INTS2: variants seen among roughly 807,000 people sequenced by gnomAD.
INTS2 encodes KIAA1287.
INTS2 carries 57 observed loss-of-function variants against 139.6 expected under a neutral mutation model. The observed-to-expected ratio is 0.41, with a 90% CI of 0.33 to 0.51. INTS2 has a LOEUF of 0.51. INTS2 is among the 20% of genes least tolerant of loss of function. The pLI, the probability that INTS2 is intolerant of heterozygous loss-of-function variation, is 0.28. For missense variants in INTS2, 1,196 were observed against 1,436.7 expected, an observed-to-expected ratio of 0.83 and a Z score of 2.71; for synonymous variants, 473 against 493.4, an observed-to-expected ratio of 0.96 and a Z score of 0.55.
At chr17:61,879,773 T>C (rs1265496118) in intron 17 of INTS2, among the ~76,000 whole-genome samples, 1 of 151,942 alleles carries the variant, frequency 6.6e-6, no homozygotes, top group Non-Finnish European at 1.5e-5. Context: ...TGCTAGAGCA[T>C]GAGAGGCAAT....
rs199999039 is a variant in INTS2 at position 61,927,952 on chromosome 17, G to C, written c.-317C>G. 2.1e-4 allele frequency: 335 copies of C among 1,613,920 alleles called. No homozygotes were observed. The highest frequency in any genetic ancestry group is 2.0e-4 in the Non-Finnish European group (241 of 1,179,870). Reference sequence around the variant, plus strand: ...CCCAGCACCTTCATTCATCCCCAGCGTCTGACTCCCGTCGGCCACCGTACT... The same window carrying C: ...CCCAGCACCTTCATTCATCCCCAGCCTCTGACTCCCGTCGGCCACCGTACT... On this transcript the variant is annotated 5_prime_UTR_variant, in exon 1 of 25. Coordinates refer to ENST00000251334, the MANE Select transcript of INTS2 (RefSeq NM_001351695.2).
chr17:61,873,671 C>T lies in INTS2; in HGVS notation c.2583-1211G>A, dbSNP rs976879072. Among the ~76,000 whole-genome samples the T allele has an allele frequency of 2.7e-4, 41 of 152,138 alleles. No homozygotes were observed. The highest frequency in any genetic ancestry group is 4.9e-4 in the Non-Finnish European group (33 of 68,010). ...TTCTGATTCCTATTTCCTATGAGAT[C>T]TTAATCTTACCAAACCATATTTAGC... On this transcript the variant is annotated intron_variant, in intron 19 of 24. Coordinates refer to ENST00000251334, the MANE Select transcript of INTS2 (RefSeq NM_001351695.2). This position sits in a 1 kb window ranked among gnomAD's most constrained non-coding sequence, Gnocchi z 4.0.
At position 61,877,877 on chromosome 17, in the gene INTS2, C is replaced by A. The variant is rs1420919883; in HGVS notation, c.2456+10G>T. 6.3e-7 allele frequency: 1 copy of A among 1,593,160 alleles called. No individual in the cohort carries two copies. Among genetic ancestry groups the A allele is most frequent in the Non-Finnish European group, 8.6e-7 (1 of 1,160,968 alleles). ...ATTATCTATTACATGTAACAATACA[C>A]TGAATTTACCTTCTAGGCATCACAG... On this transcript the variant is annotated intron_variant, in intron 18 of 24. Transcript: ENST00000251334.
At position 61,892,790 on chromosome 17, in the gene INTS2, A is replaced by T. The variant is rs867528195; in HGVS notation, c.1698+975T>A. Among the ~76,000 whole-genome samples the T allele has an allele frequency of 3.6e-3, 503 of 140,378 alleles. 5 individuals carry two copies. The highest frequency in any genetic ancestry group is 0.012 in the African/African-American group (451 of 38,608). The allele number at this position is 140,378 out of a possible 152,430, so 92.1% of individuals were successfully genotyped here. A position where few individuals can be genotyped will look rare whatever the true frequency, so the allele number is the denominator to read the frequency against. Reference sequence around the variant, plus strand: ...TGAAACCCTGTCTCTACTAAAAATTAAAAAAAAAAAAAAATTAGCCAGGCA... The same window carrying T: ...TGAAACCCTGTCTCTACTAAAAATTTAAAAAAAAAAAAAATTAGCCAGGCA... On this transcript the variant is annotated intron_variant, in intron 13 of 24. Coordinates refer to ENST00000251334, the MANE Select transcript of INTS2 (RefSeq NM_001351695.2).
At position 61,909,988 on chromosome 17, in the gene INTS2, C is replaced by A. The variant is rs1276663588; in HGVS notation, c.954+1532G>T. Among the ~76,000 whole-genome samples the A allele has an allele frequency of 1.3e-5, 2 of 152,094 alleles. No homozygotes were observed. The highest frequency in any genetic ancestry group is 4.8e-5 in the African/African-American group (2 of 41,402). On this transcript the variant is annotated intron_variant, in intron 7 of 24. Transcript: ENST00000251334. The surrounding 1 kb of genome is among the most constrained non-coding windows in gnomAD (Gnocchi z 4.9). ...AGGTACATTTTTTATATAATGATTTCTCTACCCAGCAGTAGGATTGCTGGA... is the reference window on the plus strand; with the variant it reads ...AGGTACATTTTTTATATAATGATTTATCTACCCAGCAGTAGGATTGCTGGA...
chr17:61,905,997 T>C (rs183051393), intron 8 of INTS2, among the ~76,000 whole-genome samples: 1 of 152,282 alleles, frequency 6.6e-6, no homozygotes, highest in Non-Finnish European at 1.5e-5. Flanking sequence ...GCGCCTGGCC[T>C]ATGCTTTCAT....
chr17:61,886,037 A>G lies in INTS2; in HGVS notation c.1985-1032T>C, dbSNP rs561571739. 2.6e-5 allele frequency among the ~76,000 whole-genome samples: 4 copies of G among 151,396 alleles called. No individual in the cohort carries two copies. In the South Asian group the frequency reaches 8.3e-4, roughly 32 times the overall value. On this transcript the variant is annotated intron_variant, in intron 15 of 24. Coordinates refer to ENST00000251334, the MANE Select transcript of INTS2 (RefSeq NM_001351695.2). ...GCCACAGTGAATTTTATCATATTAT[A>G]TACAATAGTGGTGACTAAATCTTTT...
chr17:61,881,959 G>GA (rs1432066586), intron 16 of INTS2, among the ~76,000 whole-genome samples: 1 of 152,156 alleles, frequency 6.6e-6, no homozygotes, highest in Non-Finnish European at 1.5e-5. Flanking sequence ...GAGGAGAAAA[G>GA]AATGTCCATT....
chr17:61,927,549 C>T (rs2079730027), intron 1 of INTS2, 105 bp downstream of exon 1: 2 of 746,734 alleles, frequency 2.7e-6, no homozygotes, highest in Non-Finnish European at 1.7e-6. Context: ...CGTCTCGCCC[C>T]GGGCGCAACT....
At chr17:61,910,496 G>A (rs1448447853) in intron 7 of INTS2, 1 of 151,944 alleles carries the variant, frequency 6.6e-6, no homozygotes, top group African/African-American at 2.4e-5. Context: ...AGGAGGCTGA[G>A]GCAGGAGAAT....
intron 15 of INTS2, among the ~76,000 whole-genome samples, chr17:61,887,502 G>C (rs1258588525): frequency 7.5e-6 from 1 of 132,882 alleles, no homozygotes; most frequent in Admixed American, 7.5e-5. Context: ...AAAAAAAAAA[G>C]ACTATATGTG....
intron 3 of INTS2, among the ~76,000 whole-genome samples, chr17:61,923,102 AG>A (rs2079665083): frequency 6.6e-6 from 1 of 151,998 alleles, no homozygotes; most frequent in Non-Finnish European, 1.5e-5. Context: ...AATAAATAAA[AG>A]TATCAAAATA....
chr17:61,873,532 G>A lies in INTS2; in HGVS notation c.2583-1072C>T, dbSNP rs1187267595. On this transcript the variant is annotated intron_variant, in intron 19 of 24. Coordinates refer to ENST00000251334, the MANE Select transcript of INTS2 (RefSeq NM_001351695.2). This position sits in a 1 kb window ranked among gnomAD's most constrained non-coding sequence, Gnocchi z 4.0. The stretch of plus-strand genomic sequence containing the variant: ...TTCAGGTGTAAGCTCACCTATTTCA[G>A]TGGATTTTTAACAATGATAAATCAT... 6.6e-6 allele frequency among the ~76,000 whole-genome samples: 1 copy of A among 152,088 alleles called. No individual in the cohort carries two copies. Among genetic ancestry groups the A allele is most frequent in the Non-Finnish European group, 1.5e-5 (1 of 68,012 alleles).
intron 15 of INTS2, among the ~76,000 whole-genome samples, chr17:61,885,658 G>A (rs1241781226): frequency 1.3e-5 from 2 of 151,858 alleles, no homozygotes; most frequent in African/African-American, 4.8e-5. Context: ...GAACTCAGGG[G>A]GATCTAGCCT....
chr17:61,923,748 C>T (rs913065362), intron 3 of INTS2, among the ~76,000 whole-genome samples: 2 of 151,922 alleles, frequency 1.3e-5, no homozygotes, highest in Non-Finnish European at 2.9e-5. Context: ...GGCACAATCT[C>T]GGCTCACCAC....
Position 61,904,463 on chromosome 17 carries a change from A to C in INTS2, c.1304T>G (p.Val435Gly). 6.2e-7 allele frequency: 1 copy of C among 1,603,268 alleles called. No homozygotes were observed. The highest frequency in any genetic ancestry group is 8.5e-7 in the Non-Finnish European group (1 of 1,173,444). ...FCMLLAFSTLVSTPEQEQLMV... is the reference protein window; with the variant it reads ...FCMLLAFSTLGSTPEQEQLMV... ...AGCAACTTATATAGTTAGGTACCTG[A>C]CAAGTGTAGAAAAGGCCAGTAGCAT... The change falls in exon 9 of 25, where the codon GTC becomes GGC. Residue 435 changes from valine (V) to glycine (G), a missense_variant. Transcript: ENST00000251334.
chr17:61,877,930 CTGTT>C lies in INTS2; in HGVS notation c.2409_2412del (p.Thr804SerfsTer11). On this transcript the variant is annotated frameshift_variant, in exon 18 of 25. Transcript: ENST00000251334. LOFTEE classifies it high-confidence loss of function. ...TTAAGAACCATCCATAGTTTATTGA[CTGTT>C]TGCAGAATTCTCCGTGGAACCCCTG... 1.9e-6 allele frequency: 3 copies of C among 1,613,824 alleles called. No homozygotes were observed. Among genetic ancestry groups the C allele is most frequent in the Non-Finnish European group, 2.5e-6 (3 of 1,179,774 alleles).
intron 9 of INTS2, among the ~76,000 whole-genome samples, chr17:61,898,302 G>A (rs547988147): frequency 4.6e-5 from 7 of 152,044 alleles, no homozygotes; most frequent in African/African-American, 1.7e-4. Flanking sequence ...ATAAAAATAC[G>A]ACTTTTCTTT....
intron 3 of INTS2, among the ~76,000 whole-genome samples, chr17:61,924,298 T>A (rs1320499340): frequency 6.6e-6 from 1 of 152,208 alleles, no homozygotes; most frequent in African/African-American, 2.4e-5. Flanking sequence ...TTGTATCCCA[T>A]AAAGGTATTA....
Sources: gnomAD v4.1 joint callset for allele counts (sites outside exome capture counted in the v4.1 genomes callset) on GRCh38, gnomAD v4.1.1 for gene constraint, Gnocchi (gnomAD v3.1) non-coding constraint, MANE v1.5 for transcripts, NCBI Gene and HGNC (gene_info 2026-07-23, HGNC 2026-07-21) for gene names.